Variants in TENM4 observed in about 807,000 individuals in gnomAD.
TENM4 encodes teneurin-4.
Under a neutral mutation model 243.3 loss-of-function variants are expected in TENM4, and 82 were observed. The ratio of observed to expected loss-of-function variants is 0.34; its 90% CI spans 0.28 to 0.40. The LOEUF (loss-of-function observed/expected upper bound fraction) is 0.40. TENM4 is among the 10% of genes least tolerant of loss of function. The pLI is 1.00. For synonymous variants in TENM4, 1,412 were observed against 1,456.3 expected (o/e 0.97, Z 0.69); for missense variants, 3,138 against 3,673.3 (o/e 0.85, Z 3.77).
At chr11:78,720,454 G>T in intron 24 of TENM4, 64 bp from the exon 25 acceptor site, 1 of 1,572,568 alleles carries the variant, frequency 6.4e-7, no homozygotes, top group Non-Finnish European at 8.7e-7. Flanking sequence ...AGGGTTAGAA[G>T]CATTATTAGC....
At chr11:79,133,712 A>G (rs899878340) in intron 4 of TENM4, among the ~76,000 whole-genome samples, 4 of 152,212 alleles carry the variant, frequency 2.6e-5, no homozygotes, top group Non-Finnish European at 5.9e-5. Context: ...GCAAGTCAAT[A>G]AATGTGCTAC....
chr11:79,083,092 A>G (rs989988214), intron 4 of TENM4, among the ~76,000 whole-genome samples: 1 of 152,182 alleles, frequency 6.6e-6, no homozygotes, highest in Non-Finnish European at 1.5e-5. Flanking sequence ...AAGGCCTCAA[A>G]GGACTTTGCC....
intron 4 of TENM4, among the ~76,000 whole-genome samples, 165 bp downstream of exon 4, chr11:79,148,545 T>C (rs1025397832): frequency 6.6e-6 from 1 of 152,076 alleles, no homozygotes; most frequent in Non-Finnish European, 1.5e-5. Flanking sequence ...GCAGTAATCC[T>C]GCACTCTTTG....
intron 1 of TENM4, among the ~76,000 whole-genome samples, chr11:79,315,130 G>A (rs951397591): frequency 8.5e-5 from 13 of 152,292 alleles, no homozygotes; most frequent in Admixed American, 7.2e-4. Flanking sequence ...AAGGATCTGC[G>A]AGAAGGGCAT....
intron 16 of TENM4, among the ~76,000 whole-genome samples, chr11:78,785,954 C>G (rs991584807): frequency 6.7e-6 from 1 of 150,338 alleles, no homozygotes; most frequent in Non-Finnish European, 1.5e-5. Context: ...TGCTCACCAT[C>G]TGATCACAGA....
At chr11:78,724,105 A>G (rs1855461050) in intron 23 of TENM4, among the ~76,000 whole-genome samples, 1 of 144,318 alleles carries the variant, frequency 6.9e-6, no homozygotes, top group Non-Finnish European at 1.5e-5. Context: ...TTTAATTGAG[A>G]CAGGGTCTCA....
At chr11:79,439,984 C>T (rs1282531383) in intron 1 of TENM4, among the ~76,000 whole-genome samples, 1 of 152,022 alleles carries the variant, frequency 6.6e-6, no homozygotes, top group Admixed American at 6.5e-5. Context: ...GGGGTCGCAT[C>T]TCCAGGATCT....
At chr11:79,102,230 G>T (rs1333918447) in intron 4 of TENM4, among the ~76,000 whole-genome samples, 1 of 152,168 alleles carries the variant, frequency 6.6e-6, no homozygotes, top group Admixed American at 6.5e-5. Flanking sequence ...CATTTTCTGA[G>T]GGAAAAATAA....
chr11:79,354,275 G>A (rs508047), intron 1 of TENM4, among the ~76,000 whole-genome samples: 27,535 of 152,196 alleles, frequency 0.18, 3,167 homozygotes, highest in East Asian at 0.3. Flanking sequence ...TTCGGGGAAG[G>A]CAGAGCTGGC....
chr11:78,956,641 T>C (rs948722354), intron 6 of TENM4, among the ~76,000 whole-genome samples: 4 of 152,242 alleles, frequency 2.6e-5, no homozygotes, highest in African/African-American at 9.6e-5. Flanking sequence ...GCTAAGTCTT[T>C]CTGAGCTCCG....
chr11:78,946,878 A>C (rs1472377336), intron 6 of TENM4, among the ~76,000 whole-genome samples: 2 of 152,190 alleles, frequency 1.3e-5, no homozygotes, highest in Admixed American at 6.5e-5. Flanking sequence ...CTCATGATAA[A>C]ACTTTTATGG....
At chr11:79,404,869 G>C (rs561231064) in intron 1 of TENM4, among the ~76,000 whole-genome samples, 14 of 152,028 alleles carry the variant, frequency 9.2e-5, no homozygotes, top group Non-Finnish European at 1.5e-5. Context: ...AGAAGACAGC[G>C]GGGGGTGGGG....
intron 3 of TENM4, among the ~76,000 whole-genome samples, chr11:79,175,621 G>T (rs1376745825): frequency 6.6e-6 from 1 of 152,148 alleles, no homozygotes; most frequent in East Asian, 1.9e-4. Flanking sequence ...CCTATTTTTA[G>T]AAATTAAAGG....
intron 28 of TENM4, among the ~76,000 whole-genome samples, chr11:78,690,712 C>G (rs953803242): frequency 3.3e-5 from 5 of 152,116 alleles, no homozygotes; most frequent in African/African-American, 1.2e-4. Context: ...TGGTTTTGCC[C>G]TGGTCATCTT....
At chr11:79,290,338 T>C (rs1473928352) in intron 2 of TENM4, among the ~76,000 whole-genome samples, 1 of 152,232 alleles carries the variant, frequency 6.6e-6, no homozygotes, top group Non-Finnish European at 1.5e-5. Flanking sequence ...TTTATAAACA[T>C]AGCAACTCTT....
intron 12 of TENM4, among the ~76,000 whole-genome samples, chr11:78,823,267 C>T (rs1224975859): frequency 6.6e-6 from 1 of 152,228 alleles, no homozygotes; most frequent in East Asian, 1.9e-4. Context: ...TCAGCGCCTG[C>T]CCAGCGGTGG....
chr11:78,929,670 T>C (rs1856628390), intron 6 of TENM4, among the ~76,000 whole-genome samples: 1 of 152,130 alleles, frequency 6.6e-6, no homozygotes, highest in Non-Finnish European at 1.5e-5. Flanking sequence ...GTTTTTAATA[T>C]CCTGCTGGGG....
At chr11:79,304,094 G>A (rs1856590324) in intron 1 of TENM4, among the ~76,000 whole-genome samples, 1 of 152,196 alleles carries the variant, frequency 6.6e-6, no homozygotes, top group Non-Finnish European at 1.5e-5. Flanking sequence ...TCACCTACCA[G>A]GAGGGCTGAG....
In TENM4 at chr11:78,978,194, AG is replaced by A. The variant is rs1277297364; in HGVS notation, c.494-74672del. Among the ~76,000 whole-genome samples, 342 of 152,148 alleles carry A rather than the reference AG, an allele frequency of 2.2e-3. 4 individuals are homozygous for A. The highest frequency in any genetic ancestry group is 7.5e-3 in the African/African-American group (310 of 41,498). On this transcript the variant is annotated intron_variant, in intron 6 of 33. Transcript: ENST00000278550. ...CAGGGAGGGGAAAAACATACACTGC[AG>A]CCTGTTGGCGGATGGGGGGCTAGGG...
Sources: allele counts gnomAD v4.1 joint callset (sites outside exome capture counted in the v4.1 genomes callset), GRCh38; gene constraint gnomAD v4.1.1; transcripts MANE v1.5; gene names NCBI Gene and HGNC (gene_info 2026-07-23, HGNC 2026-07-21).